The following JARID2 variants were observed in gnomAD, a reference collection of about 807,000 sequenced individuals.
JARID2 encodes the protein protein Jumonji.
JARID2 carries 21 observed loss-of-function variants against 125.6 expected under a neutral mutation model. The ratio of observed to expected loss-of-function variants is 0.17; its 90% CI spans 0.12 to 0.24. The LOEUF is 0.24. Among genes scored for constraint, JARID2 ranks in the 10% least tolerant of loss-of-function variants. The pLI is 1.00. For missense variants in JARID2, 1,303 were observed against 1,639.6 expected, an observed-to-expected ratio of 0.79 and a Z score of 3.55; for synonymous variants, 736 against 661.6, an observed-to-expected ratio of 1.11 and a Z score of -1.73.
rs535537858 is a variant in JARID2, at chr6:15,278,890, G to A, written c.45+32306G>A. Among the ~76,000 whole-genome samples, 15 of 152,230 alleles carry A rather than the reference G, an allele frequency of 9.9e-5. No individual in the cohort carries two copies. The South Asian group carries it at 2.7e-3, about 27-fold the overall frequency. ...TCGAGATTAGCCTGGCCAACAAGGC[G>A]AAACCCTGTCTCTACTAAAAATACA... On this transcript the variant is annotated intron_variant, in intron 1 of 17. Coordinates refer to ENST00000341776, the MANE Select transcript of JARID2 (RefSeq NM_004973.4).
chr6:15,496,311 C>T lies in JARID2; in HGVS notation c.1086C>T (p.Pro362=), dbSNP rs2127734028. 6.2e-7 allele frequency: 1 copy of T among 1,614,184 alleles called. No individual in the cohort carries two copies. The highest frequency in any genetic ancestry group is 8.5e-7 in the Non-Finnish European group (1 of 1,180,048). The change falls in exon 7 of 18, where the codon CCC becomes CCT. Residue 362 remains proline (P), a synonymous_variant. Coordinates refer to ENST00000341776, the MANE Select transcript of JARID2 (RefSeq NM_004973.4). Reference sequence around the variant, plus strand: ...GAGAACTGGTCAAGGACACCAAACCCAATCACCACAAGCCCAGTTCCGCTG... The same window carrying T: ...GAGAACTGGTCAAGGACACCAAACCTAATCACCACAAGCCCAGTTCCGCTG... ...AKRELVKDTK[P]NHHKPSSAVN...
At chr6:15,495,651 T>C (rs1017811290) in intron 6 of JARID2, among the ~76,000 whole-genome samples, 2 of 152,236 alleles carry the variant, frequency 1.3e-5, no homozygotes, top group Admixed American at 1.3e-4. Context: ...CATGCTGCTA[T>C]GTGGAGCACA....
intron 1 of JARID2, among the ~76,000 whole-genome samples, chr6:15,285,783 C>T (rs1328949369): frequency 6.6e-6 from 1 of 152,148 alleles, no homozygotes; most frequent in East Asian, 1.9e-4. Flanking sequence ...TCTAGCCATG[C>T]ATCCTTTTAA....
intron 1 of JARID2, among the ~76,000 whole-genome samples, chr6:15,265,369 A>T (rs1481202247): frequency 6.7e-6 from 1 of 149,804 alleles, no homozygotes; most frequent in African/African-American, 2.5e-5. Context: ...TTTGCATTAA[A>T]AAAAAAAAAA....
At chr6:15,329,775 A>G (rs904228519) in intron 1 of JARID2, among the ~76,000 whole-genome samples, 3 of 152,114 alleles carry the variant, frequency 2.0e-5, no homozygotes, top group Admixed American at 6.5e-5. Context: ...TCTTGAGGGG[A>G]GGAAAAAGAA....
chr6:15,313,582 C>T (rs12209748), intron 1 of JARID2, among the ~76,000 whole-genome samples: 4,849 of 152,258 alleles, frequency 0.032, 128 homozygotes, highest in South Asian at 0.11. Flanking sequence ...GCCGCGGCAG[C>T]ATGCTGTCCT....
At chr6:15,499,225 G>T (rs141301598) in intron 7 of JARID2, among the ~76,000 whole-genome samples, 367 of 152,282 alleles carry the variant, frequency 2.4e-3, no homozygotes, top group South Asian at 3.7e-3. Flanking sequence ...TAATAACTTT[G>T]AAGTAATAGC....
chr6:15,357,147 G>T (rs1763632110), intron 1 of JARID2, among the ~76,000 whole-genome samples: 1 of 152,204 alleles, frequency 6.6e-6, no homozygotes, highest in Non-Finnish European at 1.5e-5. Context: ...AAGACTAGGG[G>T]CTGCTGCAGC....
intron 5 of JARID2, among the ~76,000 whole-genome samples, chr6:15,476,342 C>G (rs543908875): frequency 6.6e-6 from 1 of 152,240 alleles, no homozygotes; most frequent in South Asian, 2.1e-4. Flanking sequence ...GTCATGGAGC[C>G]GGGACCTCTG....
At chr6:15,487,808 T>TCCCA (rs1554143126) in intron 6 of JARID2, among the ~76,000 whole-genome samples, 5 of 144,170 alleles carry the variant, frequency 3.5e-5, no homozygotes, top group Admixed American at 7.1e-5. Flanking sequence ...TTAAGCCTTC[T>TCCCA]CCCACCCACC....
intron 3 of JARID2, among the ~76,000 whole-genome samples, chr6:15,445,594 T>A (rs763504186): frequency 2.9e-4 from 44 of 152,186 alleles, no homozygotes; most frequent in Non-Finnish European, 5.6e-4. Context: ...GATCAGGAAG[T>A]ACAAATACTC....
At chr6:15,271,944 G>A (rs888800775) in intron 1 of JARID2, among the ~76,000 whole-genome samples, 2 of 152,212 alleles carry the variant, frequency 1.3e-5, no homozygotes, top group Non-Finnish European at 2.9e-5. Flanking sequence ...AGGTTGCAGT[G>A]AGCTGAGATC....
Position 15,496,653 on chromosome 6 carries a change from C to T in JARID2, c.1428C>T (p.Ala476=), listed in dbSNP as rs770570459. The T allele has an allele frequency of 6.6e-5, 107 of 1,612,064 alleles. 1 individual carries two copies. Among genetic ancestry groups the T allele is most frequent in the African/African-American group, 9.3e-5 (7 of 74,910 alleles). The change falls in exon 7 of 18, where the codon GCC becomes GCT. Residue 476 remains alanine (A), a synonymous_variant. Coordinates refer to ENST00000341776, the MANE Select transcript of JARID2 (RefSeq NM_004973.4). ...PAEGPGKKAP[A]ERGLLNGHVK... is the part of the protein sequence containing the mutation. Reference sequence around the variant, plus strand: ...AAGGCCCTGGCAAGAAGGCCCCGGCCGAGAGAGGTCTGCTGAACGGACACG... The same window carrying T: ...AAGGCCCTGGCAAGAAGGCCCCGGCTGAGAGAGGTCTGCTGAACGGACACG...
chr6:15,434,789 G>A (rs766572837), intron 3 of JARID2, among the ~76,000 whole-genome samples: 1 of 152,072 alleles, frequency 6.6e-6, no homozygotes, highest in Non-Finnish European at 1.5e-5. Context: ...TCAGCTTTCC[G>A]TATCTTGGGC....
intron 3 of JARID2, among the ~76,000 whole-genome samples, chr6:15,423,179 T>A (rs1163426357): frequency 6.6e-6 from 1 of 152,016 alleles, no homozygotes; most frequent in Non-Finnish European, 1.5e-5. Context: ...TTTTCATTTT[T>A]TGTAGAAGTA....
chr6:15,374,469 A>G (rs1341374547), intron 2 of JARID2, among the ~76,000 whole-genome samples: 1 of 152,234 alleles, frequency 6.6e-6, no homozygotes, highest in Non-Finnish European at 1.5e-5. Flanking sequence ...GACAAAATAC[A>G]TTAGTCTGTT....
At chr6:15,349,784 C>T (rs768772707) in intron 1 of JARID2, among the ~76,000 whole-genome samples, 8 of 152,270 alleles carry the variant, frequency 5.3e-5, no homozygotes, top group South Asian at 4.2e-4. Context: ...ACCTCCTTCC[C>T]GCAAGCAATG....
chr6:15,475,931 A>G (rs982936912), intron 5 of JARID2, among the ~76,000 whole-genome samples: 1 of 152,222 alleles, frequency 6.6e-6, no homozygotes, highest in Non-Finnish European at 1.5e-5. Flanking sequence ...ACGATTGTGT[A>G]TTCAAGCAAC....
At chr6:15,417,688 G>A (rs1329947704) in intron 3 of JARID2, among the ~76,000 whole-genome samples, 1 of 152,180 alleles carries the variant, frequency 6.6e-6, no homozygotes, top group Non-Finnish European at 1.5e-5. Flanking sequence ...GTTGCAGTTA[G>A]CTGTGATCGT....
Sources: gnomAD v4.1 joint callset for allele counts (sites outside exome capture counted in the v4.1 genomes callset) on GRCh38, gnomAD v4.1.1 for gene constraint, MANE v1.5 for transcripts, NCBI Gene and HGNC (gene_info 2026-07-23, HGNC 2026-07-21) for gene names.